NOL4: variants seen among roughly 807,000 people sequenced by gnomAD.
NOL4 encodes the protein nucleolar protein 4, also known as cancer/testis antigen 125.
In NOL4, 17 loss-of-function variants were observed where a neutral mutation model predicts 75.9. The observed-to-expected ratio is 0.22, with a 90% confidence interval of 0.15 to 0.34. The LOEUF (loss-of-function observed/expected upper bound fraction) is 0.34, where lower values mean the gene tolerates loss of function less well. Ranked by LOEUF, NOL4 falls within the 10% of genes least tolerant of loss-of-function variation. The pLI, the probability that NOL4 is intolerant of heterozygous loss-of-function variation, is 1.00. For missense variants in NOL4, 614 were observed against 793.5 expected, an observed-to-expected ratio of 0.77 and a Z score of 2.72; for synonymous variants, 292 against 289.9, an observed-to-expected ratio of 1.01 and a Z score of -0.07.
chr18:34,058,369 C>T (rs924019168), intron 5 of NOL4, among the ~76,000 whole-genome samples: 2 of 152,138 alleles, frequency 1.3e-5, no homozygotes, highest in Admixed American at 1.3e-4. Flanking sequence ...CTCCTGACCT[C>T]GTGATCTGCC....
At chr18:33,905,761 C>A (rs1458676118) in intron 9 of NOL4, among the ~76,000 whole-genome samples, 2 of 152,166 alleles carry the variant, frequency 1.3e-5, no homozygotes, top group East Asian at 3.9e-4. Flanking sequence ...TCTTACTCAA[C>A]TTCTTCTCAT....
chr18:34,136,459 G>A (rs2080895901), intron 1 of NOL4, among the ~76,000 whole-genome samples: 1 of 151,978 alleles, frequency 6.6e-6, no homozygotes, highest in Admixed American at 6.6e-5. Context: ...AAAATTCTAA[G>A]GAATCCATTA....
intron 9 of NOL4, among the ~76,000 whole-genome samples, chr18:33,884,876 C>T (rs754179817): frequency 1.3e-4 from 20 of 152,004 alleles, no homozygotes; most frequent in Non-Finnish European, 2.8e-4. Flanking sequence ...AAATTATTGC[C>T]GTGACTATCA....
At chr18:33,933,769 T>C (rs2067861745) in intron 9 of NOL4, among the ~76,000 whole-genome samples, 1 of 152,154 alleles carries the variant, frequency 6.6e-6, no homozygotes, top group Admixed American at 6.6e-5. Context: ...CCTCCACTAG[T>C]AAAGTCTTGA....
chr18:34,175,099 T>C (rs964118944), intron 1 of NOL4, among the ~76,000 whole-genome samples: 2 of 152,166 alleles, frequency 1.3e-5, no homozygotes, highest in Non-Finnish European at 2.9e-5. Context: ...TACATGTTTT[T>C]TACATATGTT....
At chr18:34,070,964 T>C (rs1349246792) in intron 5 of NOL4, among the ~76,000 whole-genome samples, 3 of 152,062 alleles carry the variant, frequency 2.0e-5, no homozygotes, top group African/African-American at 4.8e-5. Context: ...AATTCTTACA[T>C]TAAAATAAAA....
chr18:34,025,949 T>C (rs1184445568), intron 5 of NOL4, among the ~76,000 whole-genome samples: 1 of 152,168 alleles, frequency 6.6e-6, no homozygotes, highest in African/African-American at 2.4e-5. Context: ...CCTATGGTAA[T>C]GGGTGAGCCA....
intron 10 of NOL4, among the ~76,000 whole-genome samples, chr18:33,869,647 CATAAG>C (rs539023984): frequency 1.2e-3 from 176 of 152,096 alleles, no homozygotes; most frequent in African/African-American, 4.1e-3. Flanking sequence ...CAACCATAAA[CATAAG>C]ATATTTTTTA....
chr18:34,097,776 A>G (rs2078856839), intron 4 of NOL4, among the ~76,000 whole-genome samples: 1 of 152,148 alleles, frequency 6.6e-6, no homozygotes, highest in Admixed American at 6.5e-5. Context: ...AATACAGTAA[A>G]CATCTTAATA....
chr18:33,928,974 T>G (rs1599900090), intron 9 of NOL4, among the ~76,000 whole-genome samples: 2 of 151,668 alleles, frequency 1.3e-5, no homozygotes, highest in East Asian at 4.3e-4. Flanking sequence ...ATGCTCAGAT[T>G]TAAATATCAT....
At chr18:33,875,639 C>G (rs1417815385) in intron 10 of NOL4, among the ~76,000 whole-genome samples, 1 of 152,038 alleles carries the variant, frequency 6.6e-6, no homozygotes, top group African/African-American at 2.4e-5. Context: ...TAATCATTCT[C>G]CTTGCCTCCA....
intron 10 of NOL4, among the ~76,000 whole-genome samples, chr18:33,874,916 C>G (rs2063860872): frequency 6.6e-6 from 1 of 151,754 alleles, no homozygotes; most frequent in Non-Finnish European, 1.5e-5. Flanking sequence ...AAGACAAAAC[C>G]CCAAATATTA....
chr18:33,893,470 C>A (rs536727563), intron 9 of NOL4, among the ~76,000 whole-genome samples: 1 of 152,198 alleles, frequency 6.6e-6, no homozygotes, highest in East Asian at 1.9e-4. Context: ...TATTGCAGTA[C>A]CTTTGATAGA....
chr18:34,165,175 G>A (rs867912829), intron 1 of NOL4, among the ~76,000 whole-genome samples: 4 of 151,924 alleles, frequency 2.6e-5, no homozygotes, highest in African/African-American at 9.7e-5. Flanking sequence ...ACAACAGCTA[G>A]CACATGTATA....
chr18:34,115,281 T>G (rs918473381), intron 2 of NOL4, among the ~76,000 whole-genome samples: 14 of 152,106 alleles, frequency 9.2e-5, no homozygotes, highest in African/African-American at 3.4e-4. Flanking sequence ...TGCATGCAGC[T>G]GCACCAATCG....
chr18:34,170,458 C>T (rs1394782112), intron 1 of NOL4, among the ~76,000 whole-genome samples: 1 of 152,116 alleles, frequency 6.6e-6, no homozygotes, highest in East Asian at 1.9e-4. Context: ...TCCCAAAGTG[C>T]TGGGATTGCA....
At chr18:33,873,541 T>C (rs1298504749) in intron 10 of NOL4, among the ~76,000 whole-genome samples, 1 of 152,036 alleles carries the variant, frequency 6.6e-6, no homozygotes, top group African/African-American at 2.4e-5. Context: ...TCCAATGTTG[T>C]GCTCTTCAGG....
At chr18:33,986,045 G>C (rs1405169834) in intron 6 of NOL4, among the ~76,000 whole-genome samples, 1 of 152,008 alleles carries the variant, frequency 6.6e-6, no homozygotes, top group East Asian at 1.9e-4. Context: ...AAAATGATTT[G>C]GCTTTATTCT....
intron 6 of NOL4, among the ~76,000 whole-genome samples, chr18:34,018,611 A>C (rs2074847633): frequency 6.6e-6 from 1 of 152,148 alleles, no homozygotes; most frequent in Non-Finnish European, 1.5e-5. Context: ...AAAATCATAG[A>C]GCAAAGTCAC....
Sources: gnomAD v4.1 joint callset for allele counts (sites outside exome capture counted in the v4.1 genomes callset) on GRCh38, gnomAD v4.1.1 for gene constraint, MANE v1.5 for transcripts, NCBI Gene and HGNC (gene_info 2026-07-23, HGNC 2026-07-21) for gene names.